Variants in ADAMTS13 observed in about 807,000 individuals in gnomAD.
The protein encoded by ADAMTS13 is ADAM metallopeptidase with thrombospondin type 1 motif 13, also known as A disintegrin and metalloproteinase with thrombospondin motifs 13.
In ADAMTS13, 110 loss-of-function variants were observed where a neutral mutation model predicts 155.1. The observed-to-expected ratio is 0.71, with a 90% CI of 0.61 to 0.83. ADAMTS13 has a LOEUF of 0.83. ADAMTS13 is among the 40% of genes least tolerant of loss of function. ADAMTS13 has a pLI of 0.00. For synonymous variants in ADAMTS13, 758 were observed against 756.4 expected (o/e 1.00, Z -0.03); for missense variants, 1,707 against 1,891.7 (o/e 0.90, Z 1.81).
chr9:133,429,985 G>C lies in ADAMTS13; in HGVS notation c.871G>C (p.Gly291Arg). 6 of 1,553,784 alleles carry C rather than the reference G, an allele frequency of 3.9e-6. No homozygotes were observed. The highest frequency in any genetic ancestry group is 5.2e-6 in the Non-Finnish European group (6 of 1,154,454). ...CVWDPPRPQP[G>R]SAGHPPDAQP... Reference sequence around the variant, plus strand: ...GTGGGACCCGCCGCGGCCTCAACCCGGGTCCGCGGGGCACCCGCCGGATGC... The same window carrying C: ...GTGGGACCCGCCGCGGCCTCAACCCCGGTCCGCGGGGCACCCGCCGGATGC... The change falls in exon 8 of 29, where the codon GGG (glycine) becomes CGG (arginine). Residue 291 changes from glycine to arginine, a missense_variant. Gly to Arg is a moderately radical substitution (Grantham distance 125, BLOSUM62 -2). Transcript: ENST00000355699.
rs181516029 is a variant in ADAMTS13, at chr9:133,425,873, C to A, written c.415-65C>A. On this transcript the variant is annotated intron_variant, in intron 4 of 28. Coordinates refer to ENST00000355699, the MANE Select transcript of ADAMTS13 (RefSeq NM_139027.6). This position sits in a 1 kb window ranked among gnomAD's most constrained non-coding sequence, Gnocchi z 4.6. Reference sequence around the variant, plus strand: ...TAGGAGGACTAACTGGGAAACAAACCGACCGCAGTCAGCACCGTGCCTGGT... The same window carrying A: ...TAGGAGGACTAACTGGGAAACAAACAGACCGCAGTCAGCACCGTGCCTGGT... 75 of 1,604,056 alleles carry A rather than the reference C, an allele frequency of 4.7e-5. No homozygotes were observed. The South Asian group carries it at 8.0e-4, about 17-fold the overall frequency.
chr9:133,422,934 CTTTTTTTT>C (rs71281254), intron 1 of ADAMTS13, among the ~76,000 whole-genome samples, 159 bp from the exon 2 acceptor site: 5 of 93,236 alleles, frequency 5.4e-5, no homozygotes, highest in Non-Finnish European at 8.9e-5. Context: ...CTCTCTCTCT[CTTTTTTTT>C]TTTTTTTTTT....
rs782640937 is a variant in ADAMTS13 at position 133,430,059 on chromosome 9, C to T, written c.945C>T (p.Phe315=). ...YSANEQCRVA[F]GPKAVACTFA... is the part of the protein sequence containing the mutation. ...CCAACGAGCAGTGCCGCGTGGCCTT[C>T]GGCCCCAAGGCTGTCGCCTGCACCT... Residue 315 remains phenylalanine (F), a synonymous_variant, in exon 8 of 29, where the codon TTC becomes TTT. Coordinates refer to ENST00000355699, the MANE Select transcript of ADAMTS13 (RefSeq NM_139027.6). 5.3e-5 allele frequency: 85 copies of T among 1,595,430 alleles called. No individual in the cohort carries two copies. The highest frequency in any genetic ancestry group is 3.5e-4 in the African/African-American group (26 of 74,950).
chr9:133,455,062 A>C (rs587664139), intron 24 of ADAMTS13, among the ~76,000 whole-genome samples: 7 of 152,284 alleles, frequency 4.6e-5, no homozygotes, highest in Admixed American at 4.6e-4. Flanking sequence ...AGAGGCCGTG[A>C]GGGTGACAGG....
Position 133,422,377 on chromosome 9 carries a change from G to A in ADAMTS13, c.-67G>A, listed in dbSNP as rs1329794360. On this transcript the variant is annotated 5_prime_UTR_variant, in exon 1 of 29. Coordinates refer to ENST00000355699, the MANE Select transcript of ADAMTS13 (RefSeq NM_139027.6). Reference sequence around the variant, plus strand: ...GAGCAGGCCTGTCCCATTCCATACTGACCAGATTCCCAGTCACCAAGGCCC... The same window carrying A: ...GAGCAGGCCTGTCCCATTCCATACTAACCAGATTCCCAGTCACCAAGGCCC... 7.0e-7 allele frequency: 1 copy of A among 1,429,936 alleles called. No individual in the cohort carries two copies. Among genetic ancestry groups the A allele is most frequent in the Non-Finnish European group, 9.8e-7 (1 of 1,020,232 alleles). The allele number at this position is 1,429,936 out of a possible 1,614,324, so 88.6% of individuals were successfully genotyped here.
At chr9:133,415,869 G>C (rs1839564192) in intron 1 of ADAMTS13, 2 of 152,302 alleles carry the variant, frequency 1.3e-5, no homozygotes, top group African/African-American at 2.4e-5. Context: ...GTTAAGACAG[G>C]AATGTCTGCA....
In ADAMTS13 at chr9:133,458,017, C is replaced by A. The variant is rs1281020165; in HGVS notation, c.3832C>A (p.His1278Asn). 5 of 1,613,484 alleles carry A rather than the reference C, an allele frequency of 3.1e-6. No individual in the cohort carries two copies. In the African/African-American group the frequency reaches 5.3e-5, roughly 17 times the overall value. The change falls in exon 28 of 29, where the codon CAC becomes AAC. Residue 1278 changes from histidine to asparagine, a missense_variant. Transcript: ENST00000355699. ...GCRLFINVAP[H>N]ARIAIHALAT... ...CCGGCTCTTCATTAATGTGGCTCCG[C>A]ACGCACGGATTGCCATCCATGCCCT... is the stretch of plus-strand genomic sequence containing the variant.
intron 1 of ADAMTS13, chr9:133,415,150 T>C: frequency 1.4e-6 from 1 of 703,214 alleles, no homozygotes; most frequent in Non-Finnish European, 2.3e-6. Flanking sequence ...TCACTGAAAT[T>C]CATTTTCAAA....
At position 133,436,953 on chromosome 9, in the gene ADAMTS13, A is replaced by G. The variant is rs1362926885; in HGVS notation, c.1433A>G (p.Gln478Arg). 2 of 1,597,170 alleles carry G rather than the reference A, an allele frequency of 1.3e-6. No homozygotes were observed. Among genetic ancestry groups the G allele is most frequent in the Non-Finnish European group, 8.5e-7 (1 of 1,173,524 alleles). Residue 478 changes from glutamine to arginine, a missense_variant and splice_region_variant, in exon 12 of 29, where the codon CAA becomes CGA. Gln to Arg is a conservative substitution (Grantham distance 43). Around this residue, in one of 3 missense-constraint regions of ADAMTS13, gnomAD observed 733 missense variants for 749.6 expected, o/e 0.98. Transcript: ENST00000355699. ...TGGGGTGCTGCTGTACCACACAGCC[A>G]AGGTGGGGCCTGCGGAGTGTGGGGT... is the stretch of plus-strand genomic sequence containing the variant. The part of the protein sequence containing the change: ...YHWGAAVPHS[Q>R]GDALCRHMCR...
At chr9:133,421,758 AGAG>A (rs1343094826), upstream of ADAMTS13, among the ~76,000 whole-genome samples, 4 of 152,124 alleles carry the variant, frequency 2.6e-5, no homozygotes, top group Non-Finnish European at 5.9e-5. Flanking sequence ...CCCTGATCGC[AGAG>A]GAGGAGAGAG....
chr9:133,428,810 G>A, intron 7 of ADAMTS13, 39 bp downstream of exon 7: 7 of 1,258,112 alleles, frequency 5.6e-6, no homozygotes, highest in Non-Finnish European at 7.0e-6. Flanking sequence ...CGAGCCTCCA[G>A]CCAGCCCGCT....
chr9:133,450,578 A>G (rs1554794083), intron 23 of ADAMTS13, among the ~76,000 whole-genome samples: 1 of 151,516 alleles, frequency 6.6e-6, no homozygotes, highest in African/African-American at 2.4e-5. Context: ...AAAAAAAAAA[A>G]AAAAAAGAAA....
At chr9:133,436,800 A>ACCCCCCCCCCCCCCCCC in intron 11 of ADAMTS13, 29 bp from the exon 12 acceptor site, 1 of 533,016 alleles carries the variant, frequency 1.9e-6, no homozygotes, top group South Asian at 2.1e-5. Context: ...CCCCACCGCC[A>ACCCCCCCCCCCCCCCCC]TCCCCCTCCT....
chr9:133,450,684 G>A lies in ADAMTS13; in HGVS notation c.3044+719G>A, dbSNP rs182364907. Among the ~76,000 whole-genome samples, 325 of 152,344 alleles carry A rather than the reference G, an allele frequency of 2.1e-3. 1 individual carries two copies. The highest frequency in any genetic ancestry group is 7.5e-3 in the African/African-American group (311 of 41,584). Reference sequence around the variant, plus strand: ...GAATCGCTTGAACCCGGGAGGCGGAGGTTGCAGTGAGCCGAGATGGCGCCG... The same window carrying A: ...GAATCGCTTGAACCCGGGAGGCGGAAGTTGCAGTGAGCCGAGATGGCGCCG... On this transcript the variant is annotated intron_variant, in intron 23 of 28. Coordinates refer to ENST00000355699, the MANE Select transcript of ADAMTS13 (RefSeq NM_139027.6).
intron 22 of ADAMTS13, among the ~76,000 whole-genome samples, chr9:133,449,165 C>T (rs895001421): frequency 6.6e-6 from 1 of 152,116 alleles, no homozygotes; most frequent in African/African-American, 2.4e-5. Flanking sequence ...CGATGCAACG[C>T]GTGTAAAGTA....
intron 23 of ADAMTS13, among the ~76,000 whole-genome samples, chr9:133,450,711 T>G (rs1475438004): frequency 2.6e-5 from 4 of 152,058 alleles, no homozygotes. Context: ...ATGGCGCCGC[T>G]GGCACTCCAG....
Position 133,443,409 on chromosome 9 carries a change from C to T in ADAMTS13, c.2268C>T (p.Ala756=), listed in dbSNP as rs781923426. Residue 756 remains alanine (A), a synonymous_variant, in exon 19 of 29, where the codon GCC becomes GCT. Coordinates refer to ENST00000355699, the MANE Select transcript of ADAMTS13 (RefSeq NM_139027.6). ...WAVGDFGPCS[A]SCGGGLRERP... is the part of the protein sequence containing the mutation. ...TGGGAGACTTCGGCCCATGCAGCGCCTCCTGTGGGGGTGGCCTGCGGGAGC... is the reference window on the plus strand; with the variant it reads ...TGGGAGACTTCGGCCCATGCAGCGCTTCCTGTGGGGGTGGCCTGCGGGAGC... The T allele has an allele frequency of 3.8e-5, 60 of 1,599,380 alleles. No homozygotes were observed. The highest frequency in any genetic ancestry group is 4.8e-5 in the Non-Finnish European group (56 of 1,177,914).
intron 13 of ADAMTS13, 129 bp downstream of exon 13, chr9:133,438,026 G>A (rs1366549790): frequency 3.9e-6 from 6 of 1,550,398 alleles, no homozygotes; most frequent in Non-Finnish European, 5.3e-6. Flanking sequence ...TGGTGCTGGG[G>A]AAAAGGATCT....
At position 133,458,057 on chromosome 9, in the gene ADAMTS13, G is replaced by T; in HGVS notation, c.3872G>T (p.Gly1291Val). ...ATCCATGCCCTGGCCACCAACATGGGCGCTGGGACCGAGGGAGCCAATGCC... is the reference window on the plus strand; with the variant it reads ...ATCCATGCCCTGGCCACCAACATGGTCGCTGGGACCGAGGGAGCCAATGCC... ...IAIHALATNMGAGTEGANASY... is the reference protein window; with the variant it reads ...IAIHALATNMVAGTEGANASY... The change falls in exon 28 of 29, where the codon GGC (glycine) becomes GTC (valine). Residue 1291 changes from glycine to valine, a missense_variant. Physicochemically the swap from Gly to Val is moderately radical, Grantham distance 109. Coordinates refer to ENST00000355699, the MANE Select transcript of ADAMTS13 (RefSeq NM_139027.6). 4 of 1,613,458 alleles carry T rather than the reference G, an allele frequency of 2.5e-6. No individual in the cohort carries two copies. Among genetic ancestry groups the T allele is most frequent in the Non-Finnish European group, 3.4e-6 (4 of 1,180,030 alleles).
Sources: allele counts gnomAD v4.1 joint callset (sites outside exome capture counted in the v4.1 genomes callset), GRCh38; gene constraint gnomAD v4.1.1; regional missense constraint gnomAD v4.1.1; non-coding constraint Gnocchi (gnomAD v3.1); transcripts MANE v1.5; gene names NCBI Gene and HGNC (gene_info 2026-07-23, HGNC 2026-07-21).